The following MAMDC4 variants were observed in gnomAD, a reference collection of about 807,000 sequenced individuals.
MAMDC4 encodes MAM domain containing 4, also known as apical endosomal glycoprotein.
In MAMDC4, 168 loss-of-function variants were observed where a neutral mutation model predicts 153.3. The ratio of observed to expected loss-of-function variants is 1.10; its 90% CI spans 0.97 to 1.25. The LOEUF (loss-of-function observed/expected upper bound fraction) is 1.25. MAMDC4 is among the 50% of genes most tolerant of loss of function. The pLI is 0.00. For synonymous variants in MAMDC4, 744 were observed against 651.5 expected, an observed-to-expected ratio of 1.14 and a Z score of -2.16; for missense variants, 1,701 against 1,542.8, an observed-to-expected ratio of 1.10 and a Z score of -1.72.
intron 26 of MAMDC4, 22 bp downstream of exon 26, chr9:136,860,086 T>C (rs1849064508): frequency 1.3e-6 from 2 of 1,531,072 alleles, no homozygotes; most frequent in Non-Finnish European, 1.8e-6. Flanking sequence ...TGGGGATGGG[T>C]GGGCAGGAGC....
Sources: gnomAD v4.1 joint callset for allele counts on GRCh38, gnomAD v4.1.1 for gene constraint, MANE v1.5 for transcripts, NCBI Gene and HGNC (gene_info 2026-07-23, HGNC 2026-07-21) for gene names.